MAPK1IP1L: variants seen among roughly 807,000 people sequenced by gnomAD.
MAPK1IP1L encodes MAPK-interacting and spindle-stabilizing protein-like.
A neutral mutation model predicts 18.1 loss-of-function variants in MAPK1IP1L; 10 were observed. That is an observed-to-expected ratio of 0.55 (90% CI 0.34 to 0.94). The LOEUF (loss-of-function observed/expected upper bound fraction) is 0.94. Among genes scored for constraint, MAPK1IP1L ranks in the 40% least tolerant of loss-of-function variants. The pLI is 0.02. For missense variants in MAPK1IP1L, 260 were observed against 318.2 expected (o/e 0.82, Z 1.39); for synonymous variants, 115 against 117.3 (o/e 0.98, Z 0.13).
At position 55,069,492 on chromosome 14, in the gene MAPK1IP1L, T is replaced by G. The variant is rs2042889854; in HGVS notation, c.*4865T>G. 3.3e-5 allele frequency: 5 copies of G among 152,662 alleles called. No homozygotes were observed. Among genetic ancestry groups the G allele is most frequent in the Admixed American group, 2.6e-4 (4 of 15,280 alleles). The allele number at this position is 152,662 out of a possible 1,614,324, so 9.5% of individuals were successfully genotyped here. The stretch of plus-strand genomic sequence containing the variant: ...TATTTTTTAAGATAAACTTGTTTGC[T>G]TTTGTGTATTATACCTGGAAACTTT... On this transcript the variant is annotated 3_prime_UTR_variant, in exon 4 of 4. Transcript: ENST00000395468.
At position 55,066,031 on chromosome 14, in the gene MAPK1IP1L, T is replaced by C. The variant is rs2042859790; in HGVS notation, c.*1404T>C. ...TTGGCACCTTATGTTTAAATCAGAT[T>C]CTTAGATTTGGAGTAGACCTGACCT... is the stretch of plus-strand genomic sequence containing the variant. On this transcript the variant is annotated 3_prime_UTR_variant, in exon 4 of 4. Transcript: ENST00000395468. 2 of 152,138 alleles carry C rather than the reference T, an allele frequency of 1.3e-5. No homozygotes were observed. Among genetic ancestry groups the C allele is most frequent in the South Asian group, 4.1e-4 (2 of 4,836 alleles). 9.4% of individuals were successfully genotyped at this position (152,138 alleles called of 1,614,324 possible). A position where few individuals can be genotyped will look rare whatever the true frequency, so the allele number is the denominator to read the frequency against.
Position 55,058,542 on chromosome 14 carries a change from T to C in MAPK1IP1L, c.-4-3138T>C, listed in dbSNP as rs145674216. On this transcript the variant is annotated intron_variant, in intron 1 of 3. Transcript: ENST00000395468. ...TGTCTGCATTTGCGGGTAGAAAATA[T>C]TCAGGGAGCCGGGTGCGGTGGCTCA... 4.3e-3 allele frequency among the ~76,000 whole-genome samples: 654 copies of C among 152,202 alleles called. 4 individuals carry two copies. The highest frequency in any genetic ancestry group is 0.015 in the African/African-American group (632 of 41,538).
intron 1 of MAPK1IP1L, among the ~76,000 whole-genome samples, chr14:55,055,259 G>T (rs141961611): frequency 1.9e-3 from 287 of 152,282 alleles, no homozygotes; most frequent in African/African-American, 4.4e-3. Context: ...ACACTACCAA[G>T]CGCGGCTTAG....
intron 1 of MAPK1IP1L, among the ~76,000 whole-genome samples, chr14:55,059,267 A>G (rs897968742): frequency 2.7e-5 from 4 of 150,266 alleles, no homozygotes; most frequent in African/African-American, 7.3e-5. Flanking sequence ...GACTCACATT[A>G]ATGTTTATTT....
In MAPK1IP1L at chr14:55,051,743, G is replaced by A. The variant is rs747272285; in HGVS notation, c.-65G>A. ...AGTCAGGCTGCGCCCGCGTCTTCAGGGCCCAGTCCCTCGGACCCATCGCCG... is the reference window on the plus strand; with the variant it reads ...AGTCAGGCTGCGCCCGCGTCTTCAGAGCCCAGTCCCTCGGACCCATCGCCG... On this transcript the variant is annotated 5_prime_UTR_variant, in exon 1 of 4. Transcript: ENST00000395468. The A allele has an allele frequency of 3.9e-6, 2 of 516,040 alleles. No individual in the cohort carries two copies. The highest frequency in any genetic ancestry group is 7.7e-6 in the Non-Finnish European group (2 of 259,352). 32.0% of individuals were successfully genotyped at this position (516,040 alleles called of 1,614,324 possible).
At chr14:55,052,245 C>T (rs570798874) in intron 1 of MAPK1IP1L, among the ~76,000 whole-genome samples, 47 of 152,248 alleles carry the variant, frequency 3.1e-4, no homozygotes, top group African/African-American at 1.1e-3. Flanking sequence ...CCCCGATTTC[C>T]CCTCTACCCC....
At chr14:55,054,628 T>C (rs1267382466) in intron 1 of MAPK1IP1L, among the ~76,000 whole-genome samples, 1 of 152,198 alleles carries the variant, frequency 6.6e-6, no homozygotes, top group Non-Finnish European at 1.5e-5. Flanking sequence ...TGGAAAATGG[T>C]CTCTTATTGA....
At chr14:55,057,307 G>T (rs1001533331) in intron 1 of MAPK1IP1L, among the ~76,000 whole-genome samples, 5 of 152,180 alleles carry the variant, frequency 3.3e-5, no homozygotes, top group Admixed American at 6.5e-5. Flanking sequence ...AAATACCAGA[G>T]AATCAAGTGA....
Position 55,060,070 on chromosome 14 carries a change from G to A in MAPK1IP1L, c.-4-1610G>A, listed in dbSNP as rs546510527. Among the ~76,000 whole-genome samples the A allele has an allele frequency of 2.0e-5, 3 of 148,204 alleles. No homozygotes were observed. The East Asian group carries it at 6.1e-4, about 30-fold the overall frequency. ...AGCCACGTATAGGAAAACATTGATAGATTTGATGACATGAAATTTAAAACT... is the reference window on the plus strand; with the variant it reads ...AGCCACGTATAGGAAAACATTGATAAATTTGATGACATGAAATTTAAAACT... On this transcript the variant is annotated intron_variant, in intron 1 of 3. Coordinates refer to ENST00000395468, the MANE Select transcript of MAPK1IP1L (RefSeq NM_144578.4).
chr14:55,051,672 G>T lies in MAPK1IP1L; in HGVS notation c.-136G>T, dbSNP rs1463099418. ...GCTTCCTGTTCCGGCGCCAGGAGGA[G>T]CCGCGCGCTGCTGGTGCTGTTGCCG... On this transcript the variant is annotated 5_prime_UTR_variant, in exon 1 of 4. Transcript: ENST00000395468. The T allele has an allele frequency of 1.9e-6, 1 of 514,774 alleles. No homozygotes were observed. The highest frequency in any genetic ancestry group is 1.4e-5 in the South Asian group (1 of 71,372). The allele number at this position is 514,774 out of a possible 1,614,324, so 31.9% of individuals were successfully genotyped here.
chr14:55,067,064 ATT>A lies in MAPK1IP1L; in HGVS notation c.*2457_*2458del, dbSNP rs757107829. 50 of 128,252 alleles carry A rather than the reference ATT, an allele frequency of 3.9e-4. No homozygotes were observed. The highest frequency in any genetic ancestry group is 3.9e-3 in the Middle Eastern group (1 of 254). The allele number at this position is 128,252 out of a possible 1,614,324, so 7.9% of individuals were successfully genotyped here. A position where few individuals can be genotyped will look rare whatever the true frequency, so the allele number is the denominator to read the frequency against. ...AGGTGCCCGCCACCATGCCCGGCTA[ATT>A]TTTTTTTTTTTTTTTTTTTAGTAGA... is the stretch of plus-strand genomic sequence containing the variant. On this transcript the variant is annotated 3_prime_UTR_variant, in exon 4 of 4. Coordinates refer to ENST00000395468, the MANE Select transcript of MAPK1IP1L (RefSeq NM_144578.4).
chr14:55,063,895 TGGTCATATAACCAAATGG>T (rs1328922742), intron 3 of MAPK1IP1L: 1 of 152,306 alleles, frequency 6.6e-6, no homozygotes, highest in Non-Finnish European at 1.5e-5. Context: ...GAGCCTGCCT[TGGTCATATAACCAAATGG>T]AAAAGTACCC....
intron 1 of MAPK1IP1L, chr14:55,060,901 C>G (rs2042812676): frequency 6.6e-6 from 1 of 152,124 alleles, no homozygotes; most frequent in Admixed American, 6.5e-5. Context: ...CTTTGGGAGG[C>G]TGAGGCAGGA....
At chr14:55,052,185 C>G (rs61975399) in intron 1 of MAPK1IP1L, among the ~76,000 whole-genome samples, 12 of 150,722 alleles carry the variant, frequency 8.0e-5, no homozygotes, top group Non-Finnish European at 1.8e-4. Flanking sequence ...TGATCCCGGA[C>G]TCCCTTTGTT....
At chr14:55,055,662 G>A (rs556116695) in intron 1 of MAPK1IP1L, among the ~76,000 whole-genome samples, 8 of 152,338 alleles carry the variant, frequency 5.3e-5, no homozygotes, top group African/African-American at 7.2e-5. Context: ...GCCAGGTGCA[G>A]TGGTTCATGC....
chr14:55,068,752 ATT>A lies in MAPK1IP1L; in HGVS notation c.*4128_*4129del, dbSNP rs1334783551. 6.6e-6 allele frequency: 1 copy of A among 152,224 alleles called. No homozygotes were observed. The highest frequency in any genetic ancestry group is 1.9e-4 in the East Asian group (1 of 5,204). 9.4% of individuals were successfully genotyped at this position (152,224 alleles called of 1,614,324 possible). ...AGAAATTGCCAATAAAATAATCAGT[ATT>A]TTGTAAATGGCAGGCAAGCTTCTGG... On this transcript the variant is annotated 3_prime_UTR_variant, in exon 4 of 4. Coordinates refer to ENST00000395468, the MANE Select transcript of MAPK1IP1L (RefSeq NM_144578.4).
rs1046235252 is a variant in MAPK1IP1L, at chr14:55,058,558, C to T, written c.-4-3122C>T. On this transcript the variant is annotated intron_variant, in intron 1 of 3. Coordinates refer to ENST00000395468, the MANE Select transcript of MAPK1IP1L (RefSeq NM_144578.4). ...TAGAAAATATTCAGGGAGCCGGGTG[C>T]GGTGGCTCATGCCTGTAATCCCAGC... 2.6e-4 allele frequency among the ~76,000 whole-genome samples: 39 copies of T among 152,248 alleles called. No homozygotes were observed. In the East Asian group the frequency reaches 5.0e-3, roughly 20 times the overall value.
rs1481570280 is a variant in MAPK1IP1L at position 55,066,888 on chromosome 14, T to A, written c.*2261T>A. The A allele has an allele frequency of 7.1e-6, 1 of 140,402 alleles. No individual in the cohort carries two copies. Among genetic ancestry groups the A allele is most frequent in the Non-Finnish European group, 1.5e-5 (1 of 66,490 alleles). The allele number at this position is 140,402 out of a possible 1,614,324, so 8.7% of individuals were successfully genotyped here. A position where few individuals can be genotyped will look rare whatever the true frequency, so the allele number is the denominator to read the frequency against. On this transcript the variant is annotated 3_prime_UTR_variant, in exon 4 of 4. Coordinates refer to ENST00000395468, the MANE Select transcript of MAPK1IP1L (RefSeq NM_144578.4). Reference sequence around the variant, plus strand: ...TTGTTTTCAAGGACTTTGCAACTGGTATTTGGGGGAGATTTTTTTTTTTTT... The same window carrying A: ...TTGTTTTCAAGGACTTTGCAACTGGAATTTGGGGGAGATTTTTTTTTTTTT...
rs2042860929 is a variant in MAPK1IP1L, at chr14:55,066,223, C to T, written c.*1596C>T. On this transcript the variant is annotated 3_prime_UTR_variant, in exon 4 of 4. Coordinates refer to ENST00000395468, the MANE Select transcript of MAPK1IP1L (RefSeq NM_144578.4). ...AAATGTCAAGAATGCCAAATGCTGC[C>T]AGTTTTTTGGTTTGATAGCTACCTC... 6.6e-6 allele frequency: 1 copy of T among 152,072 alleles called. No homozygotes were observed. Among genetic ancestry groups the T allele is most frequent in the African/African-American group, 2.4e-5 (1 of 41,392 alleles). 9.4% of individuals were successfully genotyped at this position (152,072 alleles called of 1,614,324 possible). A position where few individuals can be genotyped will look rare whatever the true frequency, so the allele number is the denominator to read the frequency against.
Sources: gnomAD v4.1 joint callset for allele counts (sites outside exome capture counted in the v4.1 genomes callset) on GRCh38, gnomAD v4.1.1 for gene constraint, MANE v1.5 for transcripts, NCBI Gene and HGNC (gene_info 2026-07-23, HGNC 2026-07-21) for gene names.